Variants in ACSL1 observed in about 807,000 individuals in gnomAD.
The protein encoded by ACSL1 is long-chain-fatty-acid--CoA ligase 1.
A neutral mutation model predicts 98.4 loss-of-function variants in ACSL1; 41 were observed. The ratio of observed to expected loss-of-function variants is 0.42; its 90% CI spans 0.32 to 0.54. The LOEUF is 0.54. ACSL1 is among the 20% of genes least tolerant of loss of function. The pLI, the probability that ACSL1 is intolerant of heterozygous loss-of-function variation, is 0.13. For missense variants in ACSL1, 734 were observed against 883.1 expected, an observed-to-expected ratio of 0.83 and a Z score of 2.14; for synonymous variants, 316 against 322.7, an observed-to-expected ratio of 0.98 and a Z score of 0.22.
At chr4:184,788,202 T>C (rs749329582) in intron 3 of ACSL1, among the ~76,000 whole-genome samples, 1 of 152,194 alleles carries the variant, frequency 6.6e-6, no homozygotes, top group Non-Finnish European at 1.5e-5. Flanking sequence ...TGAGCCAACA[T>C]TTCCCAAGTA....
intron 1 of ACSL1, chr4:184,821,092 G>A (rs1221444896): frequency 1.5e-5 from 7 of 456,202 alleles, no homozygotes; most frequent in Non-Finnish European, 2.6e-5. Context: ...AGGTACTAAT[G>A]AGTTAACCCA....
chr4:184,786,229 C>G (rs185681643), intron 3 of ACSL1, among the ~76,000 whole-genome samples: 4 of 152,232 alleles, frequency 2.6e-5, no homozygotes, highest in Admixed American at 2.0e-4. Flanking sequence ...GAAGCGTGGT[C>G]TTTATTTAGA....
chr4:184,808,522 G>T, intron 1 of ACSL1: 3 of 985,034 alleles, frequency 3.0e-6, no homozygotes, highest in Non-Finnish European at 3.6e-6. Context: ...ACCCAAGCTG[G>T]CAAGATGCTG....
At chr4:184,794,350 C>G (rs1768960047) in intron 2 of ACSL1, among the ~76,000 whole-genome samples, 1 of 152,110 alleles carries the variant, frequency 6.6e-6, no homozygotes, top group Non-Finnish European at 1.5e-5. Flanking sequence ...ACAATAATTT[C>G]TAAATGACAA....
intron 18 of ACSL1, 141 bp downstream of exon 18, chr4:184,760,216 A>T: frequency 1.0e-6 from 1 of 969,738 alleles, no homozygotes; most frequent in Non-Finnish European, 1.5e-6. Context: ...AAAATCAGTA[A>T]CAGGTCAATG....
rs752592668 is a variant in ACSL1, at chr4:184,788,735, T to G, written c.196-4A>C. ...ATCTTCGTGCACCACCACTACCCTATCAAAAAAGAAAGGGGGGCAGGTTAG... is the reference window on the plus strand; with the variant it reads ...ATCTTCGTGCACCACCACTACCCTAGCAAAAAAGAAAGGGGGGCAGGTTAG... On this transcript the variant is annotated splice_polypyrimidine_tract_variant and splice_region_variant and intron_variant, in intron 2 of 20. Transcript: ENST00000281455. 4 of 1,612,172 alleles carry G rather than the reference T, an allele frequency of 2.5e-6. No homozygotes were observed. Among genetic ancestry groups the G allele is most frequent in the Non-Finnish European group, 3.4e-6 (4 of 1,179,178 alleles).
intron 5 of ACSL1, among the ~76,000 whole-genome samples, chr4:184,779,825 C>T (rs568375254): frequency 1.3e-5 from 2 of 150,914 alleles, no homozygotes; most frequent in East Asian, 3.9e-4. Context: ...AAAGTGATTT[C>T]TTTTTTCTCT....
intron 5 of ACSL1, among the ~76,000 whole-genome samples, chr4:184,777,256 C>T (rs1319420304): frequency 6.6e-6 from 1 of 152,156 alleles, no homozygotes; most frequent in East Asian, 1.9e-4. Flanking sequence ...ATCAGTTGAG[C>T]CCAGGAGTTC....
intron 7 of ACSL1, among the ~76,000 whole-genome samples, chr4:184,775,044 G>C (rs1378440304): frequency 6.6e-6 from 1 of 152,068 alleles, no homozygotes; most frequent in Non-Finnish European, 1.5e-5. Context: ...ATACAATTTG[G>C]CTCTTAATTT....
intron 18 of ACSL1, among the ~76,000 whole-genome samples, 182 bp downstream of exon 18, chr4:184,760,175 A>C (rs1056495391): frequency 1.3e-5 from 2 of 152,208 alleles, no homozygotes; most frequent in African/African-American, 4.8e-5. Context: ...AAAGAGAACA[A>C]ATTTTCCTGA....
Position 184,757,937 on chromosome 4 carries a change from T to C in ACSL1, c.1783-17A>G, listed in dbSNP as rs79633374. 4.9e-3 allele frequency: 7,807 copies of C among 1,606,118 alleles called. 363 individuals carry two copies. The African/African-American group carries it at 0.092, about 19-fold the overall frequency. On this transcript the variant is annotated splice_polypyrimidine_tract_variant and intron_variant, in intron 18 of 20. Coordinates refer to ENST00000281455, the MANE Select transcript of ACSL1 (RefSeq NM_001995.5). This position sits in a 1 kb window ranked among gnomAD's most constrained non-coding sequence, Gnocchi z 4.5. The stretch of plus-strand genomic sequence containing the variant: ...GAGAAATGCCTTTAACACAGACAAA[T>C]GAGTTATTACATAGCTTGATCCAAA...
intron 1 of ACSL1, among the ~76,000 whole-genome samples, chr4:184,804,551 A>C (rs536035281): frequency 3.9e-4 from 59 of 151,968 alleles, no homozygotes; most frequent in Middle Eastern, 3.4e-3. Context: ...ACTGCACTCC[A>C]ATCTGGGCAA....
chr4:184,773,242 A>G lies in ACSL1; in HGVS notation c.842-88T>C. The G allele has an allele frequency of 8.5e-7, 1 of 1,177,142 alleles. No individual in the cohort carries two copies. The highest frequency in any genetic ancestry group is 1.2e-6 in the Non-Finnish European group (1 of 801,688). The allele number at this position is 1,177,142 out of a possible 1,614,324, so 72.9% of individuals were successfully genotyped here. ...ACCTCACATAATTAGGGCTTCAGAC[A>G]CCTCTACTGTTAGATATATCGTGAA... is the stretch of plus-strand genomic sequence containing the variant. On this transcript the variant is annotated intron_variant, in intron 9 of 20. Transcript: ENST00000281455. The surrounding 1 kb of genome is among the most constrained non-coding windows in gnomAD (Gnocchi z 4.3).
At position 184,825,328 on chromosome 4, in the gene ACSL1, G is replaced by GTGGCCCTTGCACTT; in HGVS notation, c.-33+587_-33+588insAAGTGCAAGGGCCA. On this transcript the variant is annotated intron_variant, in intron 1 of 20. Transcript: ENST00000281455. This position sits in a 1 kb window ranked among gnomAD's most constrained non-coding sequence, Gnocchi z 4.7. ...TCAATGACTCCACGGCCAAGTGCAAGGGCCACGGGCACTCCTCTGGAGTCA... is the reference window on the plus strand; with the variant it reads ...TCAATGACTCCACGGCCAAGTGCAAGTGGCCCTTGCACTTGGCCACGGGCACTCCTCTGGAGTCA... 1.2e-6 allele frequency: 1 copy of GTGGCCCTTGCACTT among 823,594 alleles called. No homozygotes were observed. Among genetic ancestry groups the GTGGCCCTTGCACTT allele is most frequent in the Non-Finnish European group, 1.5e-6 (1 of 682,154 alleles). 51.0% of individuals were successfully genotyped at this position (823,594 alleles called of 1,614,324 possible).
chr4:184,793,175 G>C (rs1768705742), intron 2 of ACSL1, among the ~76,000 whole-genome samples: 1 of 145,394 alleles, frequency 6.9e-6, no homozygotes. Context: ...CTTTAATGTG[G>C]TTACATAGTG....
rs781131060 is a variant in ACSL1, at chr4:184,773,886, A to G, written c.757-11T>C. The G allele has an allele frequency of 6.2e-7, 1 of 1,613,888 alleles. No homozygotes were observed. Among genetic ancestry groups the G allele is most frequent in the Non-Finnish European group, 8.5e-7 (1 of 1,179,838 alleles). On this transcript the variant is annotated splice_polypyrimidine_tract_variant and intron_variant, in intron 7 of 20. Transcript: ENST00000281455. This position sits in a 1 kb window ranked among gnomAD's most constrained non-coding sequence, Gnocchi z 4.3. ...GGCTCTTCCCAGGTCCTTAATTAGA[A>G]GAGAAAAAAAGTCTTAAATGGAAAC... is the stretch of plus-strand genomic sequence containing the variant.
chr4:184,765,550 G>A (rs981801843), intron 14 of ACSL1, among the ~76,000 whole-genome samples: 7 of 152,258 alleles, frequency 4.6e-5, no homozygotes, highest in Admixed American at 3.3e-4. Flanking sequence ...TCCATCAGGA[G>A]GAACTGGTTC....
At position 184,776,572 on chromosome 4, in the gene ACSL1, A is replaced by G. The variant is rs375020571; in HGVS notation, c.668T>C (p.Ile223Thr). Residue 223 changes from isoleucine to threonine, a missense_variant, in exon 7 of 21, where the codon ATC becomes ACC. Coordinates refer to ENST00000281455, the MANE Select transcript of ACSL1 (RefSeq NM_001995.5). ...VENKLIPGLKIIVVMDAYGSE... is the reference protein window; with the variant it reads ...VENKLIPGLKTIVVMDAYGSE... ...GCCGTAGGCATCCATGACAACTATG[A>G]TTTTAAGGCCTGGTATTAACTTATT... 3.7e-6 allele frequency: 6 copies of G among 1,614,008 alleles called. No individual in the cohort carries two copies. In the African/African-American group the frequency reaches 6.7e-5, roughly 18 times the overall value.
intron 4 of ACSL1, among the ~76,000 whole-genome samples, chr4:184,783,034 A>T (rs1766590073): frequency 6.6e-6 from 1 of 152,180 alleles, no homozygotes. Flanking sequence ...GAGCAGGAGA[A>T]GGGGGGCCAG....
Sources: allele counts gnomAD v4.1 joint callset (sites outside exome capture counted in the v4.1 genomes callset), GRCh38; gene constraint gnomAD v4.1.1; non-coding constraint Gnocchi (gnomAD v3.1); transcripts MANE v1.5; gene names NCBI Gene and HGNC (gene_info 2026-07-23, HGNC 2026-07-21).